AQP9: variants seen among roughly 807,000 people sequenced by gnomAD.
The protein encoded by AQP9 is aquaporin-9.
AQP9 carries 19 observed loss-of-function variants against 23.8 expected under a neutral mutation model. That is an observed-to-expected ratio of 0.80 (90% CI 0.56 to 1.17). The LOEUF is 1.17. Ranked by LOEUF, AQP9 falls within the 50% of genes most tolerant of loss-of-function variation. The pLI, the probability that AQP9 is intolerant of heterozygous loss-of-function variation, is 0.00. For synonymous variants in AQP9, 153 were observed against 131.5 expected (o/e 1.16, Z -1.12); for missense variants, 413 against 362.0 (o/e 1.14, Z -1.14).
chr15:58,141,361 T>G (rs1022444411), intron 1 of AQP9, among the ~76,000 whole-genome samples: 2 of 152,230 alleles, frequency 1.3e-5, no homozygotes, highest in Non-Finnish European at 2.9e-5. Context: ...TTTCCAGGGC[T>G]GGACTTTTGA....
intron 1 of AQP9, among the ~76,000 whole-genome samples, chr15:58,143,516 G>T (rs61377225): frequency 4.6e-5 from 7 of 151,122 alleles, no homozygotes; most frequent in Non-Finnish European, 8.9e-5. Flanking sequence ...GTGGAGCTGA[G>T]ATTAGAATCA....
At chr15:58,171,771 A>T (rs1230172342) in intron 2 of AQP9, among the ~76,000 whole-genome samples, 1 of 152,130 alleles carries the variant, frequency 6.6e-6, no homozygotes, top group Non-Finnish European at 1.5e-5. Context: ...GAAAAAGCAT[A>T]GCTTTCTCCA....
chr15:58,156,426 C>G (rs1367728493), intron 1 of AQP9, among the ~76,000 whole-genome samples: 1 of 152,140 alleles, frequency 6.6e-6, no homozygotes, highest in Admixed American at 6.6e-5. Flanking sequence ...AACTATAACA[C>G]ATTCACCGTA....
At chr15:58,155,498 G>C (rs1312932921) in intron 1 of AQP9, 1 of 152,042 alleles carries the variant, frequency 6.6e-6, no homozygotes, top group Admixed American at 6.6e-5. Context: ...ACGATTTTTT[G>C]CCTTCCATTT....
At position 58,157,392 on chromosome 15, in the gene AQP9, G is replaced by A. The variant is rs1037826681; in HGVS notation, c.112-9281G>A. 7.9e-5 allele frequency among the ~76,000 whole-genome samples: 12 copies of A among 152,114 alleles called. No individual in the cohort carries two copies. The East Asian group carries it at 2.3e-3, about 29-fold the overall frequency. On this transcript the variant is annotated intron_variant, in intron 1 of 5. Transcript: ENST00000219919. ...ATCTGGGTGAGACTTGGAGGTATTGGGGCATTTTAGAATGTCCACCTGGCT... is the reference window on the plus strand; with the variant it reads ...ATCTGGGTGAGACTTGGAGGTATTGAGGCATTTTAGAATGTCCACCTGGCT...
intron 5 of AQP9, 64 bp downstream of exon 5, chr15:58,179,409 C>T: frequency 6.9e-7 from 1 of 1,456,976 alleles, no homozygotes; most frequent in Non-Finnish European, 9.3e-7. Context: ...TGGGGCGGGG[C>T]TTTGACATGG....
chr15:58,169,365 C>A (rs747897036), intron 2 of AQP9, among the ~76,000 whole-genome samples: 1 of 152,166 alleles, frequency 6.6e-6, no homozygotes, highest in Non-Finnish European at 1.5e-5. Flanking sequence ...GAATCTAGCA[C>A]AGTTCAGGCT....
chr15:58,157,247 C>T (rs1459916955), intron 1 of AQP9, among the ~76,000 whole-genome samples: 1 of 152,166 alleles, frequency 6.6e-6, no homozygotes, highest in Non-Finnish European at 1.5e-5. Flanking sequence ...TCACACAGAA[C>T]TCATGTTCTT....
chr15:58,147,294 G>A (rs1397254472), intron 1 of AQP9, among the ~76,000 whole-genome samples: 6 of 151,896 alleles, frequency 4.0e-5, no homozygotes, highest in Non-Finnish European at 7.4e-5. Context: ...ATTACTTGAC[G>A]AGAAAGGAAA....
chr15:58,160,855 T>A (rs909601408), intron 1 of AQP9, among the ~76,000 whole-genome samples: 1 of 152,088 alleles, frequency 6.6e-6, no homozygotes, highest in Non-Finnish European at 1.5e-5. Context: ...TTGGGGAAGG[T>A]GCAAGGAAAG....
chr15:58,163,575 A>G (rs1898431787), intron 1 of AQP9, among the ~76,000 whole-genome samples: 1 of 152,170 alleles, frequency 6.6e-6, no homozygotes, highest in Non-Finnish European at 1.5e-5. Flanking sequence ...GGGGAGAAAT[A>G]TTAGGTTTGT....
intron 5 of AQP9, among the ~76,000 whole-genome samples, chr15:58,182,124 G>A (rs1898902011): frequency 6.6e-6 from 1 of 152,194 alleles, no homozygotes; most frequent in South Asian, 2.1e-4. Flanking sequence ...CCTGGCCAAA[G>A]ACTCTTGGTT....
In AQP9 at chr15:58,179,250, C is replaced by T. The variant is rs1472066163; in HGVS notation, c.618C>T (p.Ser206=). ...IGLLIIVIAS[S]LGLNSGCAMN... ...TCCTGATTATTGTCATTGCTTCCTC[C>T]CTGGGACTGAACAGTGGCTGTGCCA... Residue 206 remains serine (S), a synonymous_variant, in exon 5 of 6, where the codon TCC becomes TCT. Transcript: ENST00000219919. The T allele has an allele frequency of 4.3e-6, 7 of 1,614,182 alleles. No individual in the cohort carries two copies. The East Asian group carries it at 8.9e-5, about 21-fold the overall frequency.
chr15:58,158,909 A>G (rs1299607833), intron 1 of AQP9, among the ~76,000 whole-genome samples: 1 of 152,208 alleles, frequency 6.6e-6, no homozygotes, highest in Non-Finnish European at 1.5e-5. Context: ...CCTAAACTTC[A>G]TTAACTACTG....
At chr15:58,155,915 C>T (rs1898247222) in intron 1 of AQP9, 1 of 152,174 alleles carries the variant, frequency 6.6e-6, no homozygotes, top group South Asian at 2.1e-4. Context: ...AGTATTCCGT[C>T]CACTAGTCTC....
At chr15:58,165,411 T>C (rs1898477439) in intron 1 of AQP9, among the ~76,000 whole-genome samples, 1 of 152,212 alleles carries the variant, frequency 6.6e-6, no homozygotes, top group East Asian at 1.9e-4. Context: ...AAAGAGAGGA[T>C]ATACAATGAA....
chr15:58,178,167 G>C (rs1165268539), intron 4 of AQP9, among the ~76,000 whole-genome samples: 1 of 151,952 alleles, frequency 6.6e-6, no homozygotes, highest in East Asian at 1.9e-4. Flanking sequence ...ATGGATTTTT[G>C]GTACTTGCAG....
At chr15:58,175,271 G>C (rs1898723328) in intron 4 of AQP9, among the ~76,000 whole-genome samples, 1 of 152,200 alleles carries the variant, frequency 6.6e-6, no homozygotes, top group Non-Finnish European at 1.5e-5. Flanking sequence ...CATTAGTTGA[G>C]ATCCAGAAAA....
At chr15:58,161,927 T>C (rs1348964194) in intron 1 of AQP9, among the ~76,000 whole-genome samples, 4 of 152,182 alleles carry the variant, frequency 2.6e-5, no homozygotes, top group African/African-American at 4.8e-5. Context: ...GGAAATAATG[T>C]CTAGGATCTG....
Sources: gnomAD v4.1 joint callset for allele counts (sites outside exome capture counted in the v4.1 genomes callset) on GRCh38, gnomAD v4.1.1 for gene constraint, MANE v1.5 for transcripts, NCBI Gene and HGNC (gene_info 2026-07-23, HGNC 2026-07-21) for gene names.